The following PIEZO2 variants were observed in gnomAD, a reference collection of about 807,000 sequenced individuals.
PIEZO2 encodes piezo type mechanosensitive ion channel component 2.
A neutral mutation model predicts 337.3 loss-of-function variants in PIEZO2; 172 were observed. The ratio of observed to expected loss-of-function variants is 0.51; its 90% CI spans 0.45 to 0.58. The LOEUF (loss-of-function observed/expected upper bound fraction) is 0.58. Among genes scored for constraint, PIEZO2 ranks in the 20% least tolerant of loss-of-function variants. The pLI is 0.00. For missense variants in PIEZO2, 3,028 were observed against 3,391.3 expected (o/e 0.89, Z 2.66); for synonymous variants, 1,251 against 1,228.5 (o/e 1.02, Z -0.38).
intron 1 of PIEZO2, among the ~76,000 whole-genome samples, chr18:11,075,661 A>G (rs9949296): frequency 0.73 from 110,365 of 152,130 alleles, 40,739 homozygotes; most frequent in African/African-American, 0.87. Context: ...TCCCACCACC[A>G]TTCAGAAAGG....
rs1185542759 is a variant in PIEZO2, at chr18:10,847,190, G to A, written c.917+8163C>T. On this transcript the variant is annotated intron_variant, in intron 7 of 55. Transcript: ENST00000674853. This position sits in a 1 kb window ranked among gnomAD's most constrained non-coding sequence, Gnocchi z 5.7. ...TTAGTGTGGTATTATTAAATCAGTG[G>A]AACCCATGTGATGCTCGCTGGCCAG... Among the ~76,000 whole-genome samples, 5 of 152,218 alleles carry A rather than the reference G, an allele frequency of 3.3e-5. No homozygotes were observed. The highest frequency in any genetic ancestry group is 7.3e-5 in the Non-Finnish European group (5 of 68,032).
In PIEZO2 at chr18:10,795,459, G is replaced by GA. The variant is rs916777714; in HGVS notation, c.1528-458dup. Among the ~76,000 whole-genome samples, 6 of 148,794 alleles carry GA rather than the reference G, an allele frequency of 4.0e-5. No homozygotes were observed. The highest frequency in any genetic ancestry group is 1.5e-4 in the African/African-American group (6 of 40,422). On this transcript the variant is annotated intron_variant, in intron 12 of 55. Coordinates refer to ENST00000674853, the MANE Select transcript of PIEZO2 (RefSeq NM_001378183.1). The surrounding 1 kb of genome is among the most constrained non-coding windows in gnomAD (Gnocchi z 4.4). ...AGACCAAACTTATCTGGCTTAGAGA[G>GA]AAAAAAAAATGGTATACTCCTGTGA...
chr18:11,058,780 T>C (rs1357884145), intron 2 of PIEZO2, among the ~76,000 whole-genome samples: 3 of 151,574 alleles, frequency 2.0e-5, no homozygotes, highest in Admixed American at 6.6e-5. Flanking sequence ...CTATGTCTGA[T>C]TGGTGTACCT....
chr18:10,814,611 G>A (rs1355574531), intron 7 of PIEZO2, among the ~76,000 whole-genome samples: 2 of 152,130 alleles, frequency 1.3e-5, no homozygotes, highest in African/African-American at 2.4e-5. Flanking sequence ...GTTGAAGCTC[G>A]GCTGAGCTCT....
intron 47 of PIEZO2, 65 bp from the exon 48 acceptor site, chr18:10,691,448 G>C: frequency 6.6e-7 from 1 of 1,517,654 alleles, no homozygotes; most frequent in Non-Finnish European, 9.0e-7. Context: ...GGATGGCAGT[G>C]TCAAATTAAA....
rs2036547018 is a variant in PIEZO2, at chr18:10,726,499, C to G, written c.5029+4908G>C. ...CCACCCTGCACAGCGTGCTGCTCCGCAAGCAGCCGTTCCTGTGGCGCGCTG... is the reference window on the plus strand; with the variant it reads ...CCACCCTGCACAGCGTGCTGCTCCGGAAGCAGCCGTTCCTGTGGCGCGCTG... On this transcript the variant is annotated intron_variant, in intron 36 of 55. Coordinates refer to ENST00000674853, the MANE Select transcript of PIEZO2 (RefSeq NM_001378183.1). The surrounding 1 kb of genome is among the most constrained non-coding windows in gnomAD (Gnocchi z 5.9). The G allele has an allele frequency of 1.3e-6, 2 of 1,496,996 alleles. No homozygotes were observed. The highest frequency in any genetic ancestry group is 1.8e-6 in the Non-Finnish European group (2 of 1,128,074). 92.7% of individuals were successfully genotyped at this position (1,496,996 alleles called of 1,614,324 possible). A position where few individuals can be genotyped will look rare whatever the true frequency, so the allele number is the denominator to read the frequency against.
intron 5 of PIEZO2, among the ~76,000 whole-genome samples, chr18:10,867,379 T>C (rs2042033464): frequency 6.6e-6 from 1 of 152,230 alleles, no homozygotes. Flanking sequence ...TGTGCTAGAA[T>C]GCAGATGCTG....
intron 1 of PIEZO2, among the ~76,000 whole-genome samples, chr18:11,142,063 G>A (rs1026652381): frequency 2.0e-5 from 3 of 152,020 alleles, no homozygotes; most frequent in Non-Finnish European, 4.4e-5. Flanking sequence ...CAAACAGTAC[G>A]GCACAAAAGG....
chr18:10,672,654 AC>A lies in PIEZO2; in HGVS notation c.8345+35del, dbSNP rs749888874. ...TCAACTTTACATGATACAGAAGTAGACTCTTGTAACTGTGAATTGTTCAATG... is the reference window on the plus strand; with the variant it reads ...TCAACTTTACATGATACAGAAGTAGATCTTGTAACTGTGAATTGTTCAATG... On this transcript the variant is annotated intron_variant, in intron 55 of 55. Coordinates refer to ENST00000674853, the MANE Select transcript of PIEZO2 (RefSeq NM_001378183.1). The surrounding 1 kb of genome is among the most constrained non-coding windows in gnomAD (Gnocchi z 4.7). 3.3e-5 allele frequency: 53 copies of A among 1,588,484 alleles called. No homozygotes were observed. The African/African-American group carries it at 6.6e-4, about 20-fold the overall frequency.
chr18:10,971,700 ACTAT>A (rs2034244109), intron 3 of PIEZO2, among the ~76,000 whole-genome samples: 2 of 152,252 alleles, frequency 1.3e-5, no homozygotes, highest in Admixed American at 1.3e-4. Context: ...TATTAGATTA[ACTAT>A]CCTCTCACCC....
chr18:11,087,404 A>T (rs1456336867), intron 1 of PIEZO2, among the ~76,000 whole-genome samples: 1 of 152,140 alleles, frequency 6.6e-6, no homozygotes, highest in Non-Finnish European at 1.5e-5. Flanking sequence ...CTGTAACATA[A>T]GCATCTCTCT....
chr18:10,698,222 T>C (rs1274354511), intron 44 of PIEZO2, among the ~76,000 whole-genome samples: 2 of 152,230 alleles, frequency 1.3e-5, no homozygotes, highest in African/African-American at 4.8e-5. Flanking sequence ...GTTTCTCTAA[T>C]TGTAAAATGA....
chr18:11,018,377 C>A (rs902805235), intron 2 of PIEZO2, among the ~76,000 whole-genome samples: 3 of 119,856 alleles, frequency 2.5e-5, no homozygotes, highest in African/African-American at 9.5e-5. Flanking sequence ...GGACTCCCAA[C>A]ATGTCGTGTG....
At position 11,101,015 on chromosome 18, in the gene PIEZO2, G is replaced by T. The variant is rs2039405866; in HGVS notation, c.65-34793C>A. On this transcript the variant is annotated intron_variant, in intron 1 of 55. Transcript: ENST00000674853. The surrounding 1 kb of genome is among the most constrained non-coding windows in gnomAD (Gnocchi z 4.4). ...ATAGTTAACTCAAGGAATTCAGTGG[G>T]TGGGATGGCTTTCCCACTGGAGATG... Among the ~76,000 whole-genome samples, 1 of 152,212 alleles carries T rather than the reference G, an allele frequency of 6.6e-6. No individual in the cohort carries two copies. The highest frequency in any genetic ancestry group is 2.1e-4 in the South Asian group (1 of 4,830).
chr18:10,717,024 A>G (rs1278128970), intron 37 of PIEZO2, among the ~76,000 whole-genome samples: 2 of 152,172 alleles, frequency 1.3e-5, no homozygotes, highest in Non-Finnish European at 2.9e-5. Context: ...CAGGGGCAGT[A>G]GGGCACAGTG....
intron 20 of PIEZO2, 50 bp from the exon 21 acceptor site, chr18:10,770,358 T>C (rs2038548746): frequency 2.7e-6 from 4 of 1,472,328 alleles, no homozygotes; most frequent in South Asian, 1.3e-5. Flanking sequence ...AAAAATATTA[T>C]CATTTAAAGC....
In PIEZO2 at chr18:11,128,686, C is replaced by T. The variant is rs868503353; in HGVS notation, c.64+19839G>A. ...TCTAGGCAAGATAATGTTGATTCTC[C>T]TCAGAAGCCTCCCCCAACACCTCTG... On this transcript the variant is annotated intron_variant, in intron 1 of 55. Coordinates refer to ENST00000674853, the MANE Select transcript of PIEZO2 (RefSeq NM_001378183.1). The surrounding 1 kb of genome is among the most constrained non-coding windows in gnomAD (Gnocchi z 4.1). Among the ~76,000 whole-genome samples the T allele has an allele frequency of 1.3e-5, 2 of 152,250 alleles. No individual in the cohort carries two copies. Among genetic ancestry groups the T allele is most frequent in the Middle Eastern group, 6.8e-3 (2 of 294 alleles).
chr18:10,680,698 G>A (rs2034226540), intron 51 of PIEZO2, among the ~76,000 whole-genome samples: 1 of 152,110 alleles, frequency 6.6e-6, no homozygotes, highest in Admixed American at 6.5e-5. Flanking sequence ...ATCACCTATG[G>A]GGGAACGTCT....
Position 11,092,557 on chromosome 18 carries a change from A to T in PIEZO2, c.65-26335T>A, listed in dbSNP as rs1242161349. 2.0e-5 allele frequency among the ~76,000 whole-genome samples: 3 copies of T among 152,226 alleles called. No homozygotes were observed. Among genetic ancestry groups the T allele is most frequent in the Admixed American group, 2.0e-4 (3 of 15,284 alleles). ...CATAAATACTTTTGAAACCAGGAAA[A>T]TAAGTTATTAATGTTAAAATTCTTT... On this transcript the variant is annotated intron_variant, in intron 1 of 55. Coordinates refer to ENST00000674853, the MANE Select transcript of PIEZO2 (RefSeq NM_001378183.1). This position sits in a 1 kb window ranked among gnomAD's most constrained non-coding sequence, Gnocchi z 4.5.
Sources: gnomAD v4.1 joint callset for allele counts (sites outside exome capture counted in the v4.1 genomes callset) on GRCh38, gnomAD v4.1.1 for gene constraint, Gnocchi (gnomAD v3.1) non-coding constraint, MANE v1.5 for transcripts, NCBI Gene and HGNC (gene_info 2026-07-23, HGNC 2026-07-21) for gene names.